NDUFA9: variants seen among roughly 807,000 people sequenced by gnomAD.
NDUFA9 encodes NADH:ubiquinone oxidoreductase subunit A9.
NDUFA9 carries 23 observed loss-of-function variants against 45.9 expected under a neutral mutation model. The observed-to-expected ratio is 0.50, with a 90% CI of 0.36 to 0.71. The LOEUF (loss-of-function observed/expected upper bound fraction) is 0.71, where lower values mean the gene tolerates loss of function less well. NDUFA9 is among the 30% of genes least tolerant of loss of function. The pLI is 0.00. For synonymous variants in NDUFA9, 176 were observed against 170.5 expected, an observed-to-expected ratio of 1.03 and a Z score of -0.25; for missense variants, 466 against 488.2, an observed-to-expected ratio of 0.95 and a Z score of 0.43.
intron 9 of NDUFA9, among the ~76,000 whole-genome samples, chr12:4,684,606 G>GAAAAAA (rs1945973069): frequency 6.6e-6 from 1 of 152,128 alleles, no homozygotes. Context: ...CCTGTCTGTG[G>GAAAAAA]AACAAAAACA....
At position 4,653,824 on chromosome 12, in the gene NDUFA9, G is replaced by T. The variant is rs12817553; in HGVS notation, c.50-468G>T. 2.2e-5 allele frequency: 7 copies of T among 315,654 alleles called. 1 individual carries two copies. The highest frequency in any genetic ancestry group is 4.5e-5 in the African/African-American group (2 of 44,288). 19.6% of individuals were successfully genotyped at this position (315,654 alleles called of 1,614,324 possible). A position where few individuals can be genotyped will look rare whatever the true frequency, so the allele number is the denominator to read the frequency against. ...TGTTCCAGGAGAGTCTTTTGCTGTTGCCCTGTGCTGTAGGCTTATTCATTC... is the reference window on the plus strand; with the variant it reads ...TGTTCCAGGAGAGTCTTTTGCTGTTTCCCTGTGCTGTAGGCTTATTCATTC... On this transcript the variant is annotated intron_variant, in intron 1 of 10. Transcript: ENST00000266544.
At chr12:4,683,035 CT>C (rs1341264637) in intron 9 of NDUFA9, among the ~76,000 whole-genome samples, 1 of 152,122 alleles carries the variant, frequency 6.6e-6, no homozygotes, top group Non-Finnish European at 1.5e-5. Context: ...GATTGTGCCA[CT>C]GCACTCCAGC....
At chr12:4,682,148 A>T in intron 8 of NDUFA9, 57 bp from the exon 9 acceptor site, 1 of 1,308,064 alleles carries the variant, frequency 7.6e-7, no homozygotes, top group Non-Finnish European at 1.1e-6. Context: ...ATTTTGTTAT[A>T]AAGGAAACTT....
intron 1 of NDUFA9, 122 bp from the exon 2 acceptor site, chr12:4,654,170 A>C (rs1945775592): frequency 5.4e-6 from 5 of 922,680 alleles, no homozygotes; most frequent in East Asian, 2.6e-5. Flanking sequence ...TTGATACTTA[A>C]ATTGCTAAAG....
intron 8 of NDUFA9, among the ~76,000 whole-genome samples, chr12:4,671,003 C>T (rs1200893207): frequency 3.9e-5 from 6 of 152,072 alleles, no homozygotes; most frequent in African/African-American, 1.2e-4. Flanking sequence ...TCTTGTTTGG[C>T]GTAACGATGG....
At chr12:4,660,460 A>G (rs1320876705) in intron 5 of NDUFA9, among the ~76,000 whole-genome samples, 2 of 152,182 alleles carry the variant, frequency 1.3e-5, no homozygotes, top group Non-Finnish European at 2.9e-5. Context: ...AGGTCAGAAG[A>G]GAGGTCTGGG....
At position 4,657,801 on chromosome 12, in the gene NDUFA9, T is replaced by G. The variant is rs779495089; in HGVS notation, c.372T>G (p.Asn124Lys). Residue 124 changes from asparagine to lysine, a missense_variant, in exon 4 of 11, where the codon AAT (asparagine) becomes AAG (lysine). Physicochemically the swap from Asn to Lys is moderately conservative, Grantham distance 94 (BLOSUM62 0). Coordinates refer to ENST00000266544, the MANE Select transcript of NDUFA9 (RefSeq NM_005002.5). ...TCCGACGAGTAGTACAACACAGCAATGTGGTCATCAATCTTATTGGACGAG... is the reference window on the plus strand; with the variant it reads ...TCCGACGAGTAGTACAACACAGCAAGGTGGTCATCAATCTTATTGGACGAG... Reference protein sequence around the residue: ...DSIRRVVQHSNVVINLIGRDW... With the variant: ...DSIRRVVQHSKVVINLIGRDW... The G allele has an allele frequency of 3.3e-5, 54 of 1,613,702 alleles. No individual in the cohort carries two copies. Among genetic ancestry groups the G allele is most frequent in the Non-Finnish European group, 4.3e-5 (51 of 1,179,744 alleles).
chr12:4,650,313 T>A (rs1014733046), intron 1 of NDUFA9, among the ~76,000 whole-genome samples: 3 of 152,284 alleles, frequency 2.0e-5, no homozygotes, highest in Non-Finnish European at 2.9e-5. Context: ...ACATCACTTA[T>A]AGTGGATGGT....
intron 1 of NDUFA9, among the ~76,000 whole-genome samples, chr12:4,653,093 C>T (rs1945768616): frequency 6.6e-6 from 1 of 152,360 alleles, no homozygotes; most frequent in Non-Finnish European, 1.5e-5. Context: ...CTTTTTGTTT[C>T]TACTTACATG....
Position 4,682,304 on chromosome 12 carries a change from A to G in NDUFA9, c.896+4A>G. The stretch of plus-strand genomic sequence containing the variant: ...CCTTGCCGCTTTTTGCCTATCGGTA[A>G]GTAGAGTGCTCCTTTTGTGTGACTT... On this transcript the variant is annotated splice_donor_region_variant and intron_variant, in intron 9 of 10. Coordinates refer to ENST00000266544, the MANE Select transcript of NDUFA9 (RefSeq NM_005002.5). 1 of 1,598,750 alleles carries G rather than the reference A, an allele frequency of 6.3e-7. No homozygotes were observed. The highest frequency in any genetic ancestry group is 8.6e-7 in the Non-Finnish European group (1 of 1,166,534).
intron 10 of NDUFA9, among the ~76,000 whole-genome samples, chr12:4,686,408 G>T (rs954257938): frequency 7.4e-5 from 11 of 149,006 alleles, no homozygotes; most frequent in Admixed American, 2.7e-4. Context: ...TACAGCTGGA[G>T]CAAAAAAAGT....
intron 7 of NDUFA9, 94 bp downstream of exon 7, chr12:4,668,618 T>G: frequency 3.5e-6 from 4 of 1,154,656 alleles, no homozygotes; most frequent in Non-Finnish European, 3.9e-6. Flanking sequence ...TTAGTAACTC[T>G]GTCATTTTCT....
intron 8 of NDUFA9, among the ~76,000 whole-genome samples, chr12:4,671,083 T>G (rs1228226590): frequency 6.6e-6 from 1 of 152,230 alleles, no homozygotes; most frequent in African/African-American, 2.4e-5. Flanking sequence ...ATCTACACAT[T>G]TCTCATCTCT....
intron 1 of NDUFA9, among the ~76,000 whole-genome samples, chr12:4,650,323 T>G (rs1216208772): frequency 1.3e-5 from 2 of 152,122 alleles, no homozygotes; most frequent in African/African-American, 4.8e-5. Flanking sequence ...TAGTGGATGG[T>G]TTTGTAGTCA....
intron 10 of NDUFA9, among the ~76,000 whole-genome samples, chr12:4,685,838 G>A (rs576683235): frequency 6.6e-6 from 1 of 152,178 alleles, no homozygotes; most frequent in African/African-American, 2.4e-5. Flanking sequence ...CTCATGTCAT[G>A]TGCCTGTGCA....
chr12:4,693,043 G>C lies in NDUFA9; in HGVS notation c.*5935G>C, dbSNP rs1333734269. ...CTCGCGCCTGTAATCCCAGCACTTT[G>C]GGAGGCTGAGGTGGGAGGATCACTT... is the stretch of plus-strand genomic sequence containing the variant. On this transcript the variant is annotated 3_prime_UTR_variant, in exon 11 of 11. Transcript: ENST00000266544. 1 of 152,352 alleles carries C rather than the reference G, an allele frequency of 6.6e-6. No individual in the cohort carries two copies. Among genetic ancestry groups the C allele is most frequent in the Non-Finnish European group, 1.5e-5 (1 of 68,210 alleles). The allele number at this position is 152,352 out of a possible 1,614,324, so 9.4% of individuals were successfully genotyped here. A position where few individuals can be genotyped will look rare whatever the true frequency, so the allele number is the denominator to read the frequency against.
intron 10 of NDUFA9, 77 bp from the exon 11 acceptor site, chr12:4,686,861 G>A: frequency 3.6e-6 from 5 of 1,406,600 alleles, no homozygotes; most frequent in African/African-American, 1.4e-5. Context: ...CAGCTTGAAT[G>A]TTTAAGTGCC....
intron 8 of NDUFA9, among the ~76,000 whole-genome samples, chr12:4,673,777 A>C (rs1248125269): frequency 1.3e-5 from 2 of 152,252 alleles, no homozygotes; most frequent in African/African-American, 4.8e-5. Flanking sequence ...TTCCCCAACT[A>C]GCAAGGCAGG....
At chr12:4,686,235 G>C (rs4147694) in intron 10 of NDUFA9, among the ~76,000 whole-genome samples, 5,964 of 152,296 alleles carry the variant, frequency 0.039, 191 homozygotes, top group East Asian at 0.15. Context: ...CAGGTGGGTA[G>C]GATGAGGGAT....
Sources: allele counts gnomAD v4.1 joint callset (sites outside exome capture counted in the v4.1 genomes callset), GRCh38; gene constraint gnomAD v4.1.1; transcripts MANE v1.5; gene names NCBI Gene and HGNC (gene_info 2026-07-23, HGNC 2026-07-21).